The following AKT3 variants were observed in gnomAD, a reference collection of about 807,000 sequenced individuals.
AKT3 encodes the protein AKT serine/threonine kinase 3.
In AKT3, 15 loss-of-function variants were observed where a neutral mutation model predicts 65.3. The ratio of observed to expected loss-of-function variants is 0.23; its 90% confidence interval spans 0.15 to 0.35. The LOEUF (loss-of-function observed/expected upper bound fraction) is 0.35. AKT3 is among the 10% of genes least tolerant of loss of function. AKT3 has a pLI of 1.00. For synonymous variants in AKT3, 206 were observed against 183.8 expected (o/e 1.12, Z -0.98); for missense variants, 243 against 576.5 (o/e 0.42, Z 5.92).
intron 6 of AKT3, among the ~76,000 whole-genome samples, chr1:243,631,029 A>G (rs972590225): frequency 6.6e-6 from 1 of 152,014 alleles, no homozygotes. Context: ...CCACCACAAC[A>G]AAAGTATTGC....
At chr1:243,728,105 C>CA (rs1291492703) in intron 2 of AKT3, among the ~76,000 whole-genome samples, 1 of 152,208 alleles carries the variant, frequency 6.6e-6, no homozygotes, top group Non-Finnish European at 1.5e-5. Flanking sequence ...CTTGACTATT[C>CA]AGGGAGAGCC....
At chr1:243,668,136 T>C (rs1041207948) in intron 3 of AKT3, among the ~76,000 whole-genome samples, 3 of 152,220 alleles carry the variant, frequency 2.0e-5, no homozygotes, top group Admixed American at 6.5e-5. Context: ...TCCATTCATA[T>C]ATTCTTAGCA....
chr1:243,752,271 C>T (rs1218620158), intron 2 of AKT3, among the ~76,000 whole-genome samples: 1 of 152,120 alleles, frequency 6.6e-6, no homozygotes, highest in Non-Finnish European at 1.5e-5. Context: ...AGTGATATGA[C>T]ATAACAATTT....
intron 5 of AKT3, among the ~76,000 whole-genome samples, chr1:243,643,178 T>A (rs187986590): frequency 6.6e-6 from 1 of 152,214 alleles, no homozygotes; most frequent in African/African-American, 2.4e-5. Context: ...TTGTTCTTTT[T>A]TTCCTTCTCT....
intron 12 of AKT3, among the ~76,000 whole-genome samples, chr1:243,540,219 C>A (rs1455938566): frequency 6.6e-6 from 1 of 151,944 alleles, no homozygotes; most frequent in Non-Finnish European, 1.5e-5. Context: ...TGTACCAACG[C>A]TAGCAATATA....
chr1:243,569,350 C>A (rs1020531281), intron 9 of AKT3, among the ~76,000 whole-genome samples: 2 of 152,170 alleles, frequency 1.3e-5, no homozygotes, highest in African/African-American at 4.8e-5. Flanking sequence ...GGTACATAGT[C>A]CAATACCAGT....
chr1:243,538,395 A>G (rs1374932273), intron 12 of AKT3, among the ~76,000 whole-genome samples: 1 of 149,482 alleles, frequency 6.7e-6, no homozygotes, highest in Non-Finnish European at 1.5e-5. Flanking sequence ...AGGAACAAAG[A>G]AAAAAAAAAC....
rs578164867 is a variant in AKT3, at chr1:243,611,066, T to A, written c.696+2605A>T. Among the ~76,000 whole-genome samples, 9 of 152,320 alleles carry A rather than the reference T, an allele frequency of 5.9e-5. No homozygotes were observed. In the East Asian group the frequency reaches 1.7e-3, roughly 29 times the overall value. On this transcript the variant is annotated intron_variant, in intron 8 of 13. Coordinates refer to ENST00000673466, the MANE Select transcript of AKT3 (RefSeq NM_005465.7). The stretch of plus-strand genomic sequence containing the variant: ...GAAATGAAATTGCTGAGTCCAAGTA[T>A]AAGCGCATTTTAAATTTTGATAGAT...
intron 4 of AKT3, among the ~76,000 whole-genome samples, chr1:243,652,449 C>T (rs954652334): frequency 2.0e-5 from 3 of 151,950 alleles, no homozygotes; most frequent in African/African-American, 4.8e-5. Context: ...CACTACAGGG[C>T]ACTAAACACG....
At chr1:243,800,041 A>G (rs1425852012) in intron 2 of AKT3, among the ~76,000 whole-genome samples, 2 of 151,592 alleles carry the variant, frequency 1.3e-5, no homozygotes, top group Admixed American at 6.6e-5. Flanking sequence ...TATTTCCTTT[A>G]CTTGCTTTTA....
intron 6 of AKT3, among the ~76,000 whole-genome samples, chr1:243,621,089 A>T (rs191453604): frequency 1.0e-3 from 152 of 152,222 alleles, no homozygotes; most frequent in Non-Finnish European, 2.0e-3. Flanking sequence ...GTTGTTTCAA[A>T]TCTTTCCCAG....
In AKT3 at chr1:243,505,303, A is replaced by G. The variant is rs778193336; in HGVS notation, c.1386T>C (p.Asn462=). 2.5e-6 allele frequency: 4 copies of G among 1,614,176 alleles called. No individual in the cohort carries two copies. In the Admixed American group the frequency reaches 5.0e-5, roughly 20 times the overall value. The stretch of plus-strand genomic sequence containing the variant: ...ATTGAGGGAAATGCGGCCGCCTCTC[A>G]TTGTCCATGCAGTCCATACCATCCT... ...YDEDGMDCMD[N]ERRPHFPQFS... The change falls in exon 14 of 14, where the codon AAT becomes AAC. Residue 462 remains asparagine (N), a synonymous_variant. Transcript: ENST00000673466.
chr1:243,601,337 A>G (rs1472832348), intron 8 of AKT3, among the ~76,000 whole-genome samples: 1 of 152,156 alleles, frequency 6.6e-6, no homozygotes, highest in East Asian at 1.9e-4. Context: ...CAGAATAAGA[A>G]AAGAAGTTCA....
At chr1:243,819,752 A>G (rs1693744290) in intron 2 of AKT3, among the ~76,000 whole-genome samples, 1 of 152,208 alleles carries the variant, frequency 6.6e-6, no homozygotes, top group African/African-American at 2.4e-5. Flanking sequence ...TGCTGGCATC[A>G]GGTCGGTGCC....
At chr1:243,559,991 G>C (rs1206715031) in intron 10 of AKT3, among the ~76,000 whole-genome samples, 1 of 152,084 alleles carries the variant, frequency 6.6e-6, no homozygotes, top group African/African-American at 2.4e-5. Context: ...ATGTAAATCT[G>C]ATCACAGTAT....
chr1:243,832,351 T>C (rs1003626605), intron 2 of AKT3, among the ~76,000 whole-genome samples: 16 of 151,962 alleles, frequency 1.1e-4, no homozygotes, highest in Non-Finnish European at 1.9e-4. Context: ...ACAAACTTCT[T>C]CTCCTCATAA....
chr1:243,750,412 C>A (rs1185882372), intron 2 of AKT3, among the ~76,000 whole-genome samples: 1 of 44,042 alleles, frequency 2.3e-5, no homozygotes, highest in African/African-American at 3.5e-5. Flanking sequence ...CACGTATACA[C>A]ACACACACAC....
chr1:243,848,996 A>G (rs1695632495), intron 1 of AKT3, among the ~76,000 whole-genome samples: 1 of 152,218 alleles, frequency 6.6e-6, no homozygotes, highest in South Asian at 2.1e-4. Flanking sequence ...AACAGTAAAT[A>G]CCGGTATTGG....
chr1:243,767,357 G>C (rs1364023705), intron 2 of AKT3, among the ~76,000 whole-genome samples: 6 of 152,112 alleles, frequency 3.9e-5, no homozygotes, highest in African/African-American at 1.4e-4. Flanking sequence ...GAGATAATCA[G>C]TGGCTATAGA....
Sources: allele counts gnomAD v4.1 joint callset (sites outside exome capture counted in the v4.1 genomes callset), GRCh38; gene constraint gnomAD v4.1.1; transcripts MANE v1.5; gene names NCBI Gene and HGNC (gene_info 2026-07-23, HGNC 2026-07-21).